ZNF829: variants seen among roughly 807,000 people sequenced by gnomAD.
The protein encoded by ZNF829 is zinc finger protein 829.
A neutral mutation model predicts 35.2 loss-of-function variants in ZNF829; 25 were observed. The ratio of observed to expected loss-of-function variants is 0.71; its 90% confidence interval spans 0.52 to 0.99. The LOEUF (loss-of-function observed/expected upper bound fraction) is 0.99. ZNF829 is among the 50% of genes least tolerant of loss of function. The pLI, the probability that ZNF829 is intolerant of heterozygous loss-of-function variation, is 0.00. For missense variants in ZNF829, 417 were observed against 515.3 expected (o/e 0.81, Z 1.85); for synonymous variants, 136 against 163.2 (o/e 0.83, Z 1.27).
At position 36,892,227 on chromosome 19, in the gene ZNF829, C is replaced by G. The variant is rs367846247; in HGVS notation, c.564G>C (p.Glu188Asp). ...AGCCACGACTAAAGGACTTCCCATA[C>G]TCCTTAGATTCATAGTGTTTTTCAC... The part of the protein sequence containing the change: ...HFGEKHYESK[E>D]YGKSFSRGSL... Residue 188 changes from glutamate (E) to aspartate (D), a missense_variant, in exon 6 of 6, where the codon GAG becomes GAC. Transcript: ENST00000391711. The G allele has an allele frequency of 3.1e-6, 5 of 1,614,086 alleles. No homozygotes were observed. The highest frequency in any genetic ancestry group is 4.2e-6 in the Non-Finnish European group (5 of 1,180,036).
intron 5 of ZNF829, among the ~76,000 whole-genome samples, chr19:36,895,483 A>T (rs1249389255): frequency 2.0e-4 from 30 of 152,246 alleles, no homozygotes; most frequent in Non-Finnish European, 4.4e-5. Flanking sequence ...ACCATAAAAA[A>T]TTAACAGATT....
At chr19:36,898,244 C>A (rs2073130525) in intron 5 of ZNF829, among the ~76,000 whole-genome samples, 1 of 152,186 alleles carries the variant, frequency 6.6e-6, no homozygotes, top group Non-Finnish European at 1.5e-5. Flanking sequence ...AAAACAATCC[C>A]ATTTATTAAT....
chr19:36,892,577 A>C, intron 5 of ZNF829, 106 bp from the exon 6 acceptor site: 1 of 1,244,206 alleles, frequency 8.0e-7, no homozygotes, highest in Non-Finnish European at 1.1e-6. Flanking sequence ...GAGAAATTAC[A>C]CAGTTTTCAA....
chr19:36,914,653 A>T (rs1329165107), intron 3 of ZNF829, among the ~76,000 whole-genome samples: 5 of 152,334 alleles, frequency 3.3e-5, no homozygotes, highest in African/African-American at 1.2e-4. Context: ...TCTTTTTGCA[A>T]AAATGTAGAA....
At chr19:36,892,883 G>T (rs372175741) in intron 5 of ZNF829, 2 of 1,158,594 alleles carry the variant, frequency 1.7e-6, no homozygotes, top group Non-Finnish European at 2.2e-6. Context: ...GTGGAGCTCC[G>T]ACTGCAAGGC....
intron 1 of ZNF829, 156 bp downstream of exon 1, chr19:36,915,854 CA>C: frequency 2.0e-6 from 3 of 1,536,086 alleles, no homozygotes; most frequent in Non-Finnish European, 2.6e-6. Flanking sequence ...CTCGGCCTCC[CA>C]AACACAACCT....
intron 5 of ZNF829, chr19:36,905,415 T>TA (rs1156792255): frequency 5.9e-5 from 9 of 151,770 alleles, no homozygotes; most frequent in African/African-American, 2.2e-4. Flanking sequence ...TTCAAATGAC[T>TA]ATATAAGCTA....
In ZNF829 at chr19:36,916,030, C is replaced by T; in HGVS notation, c.-104G>A. On this transcript the variant is annotated 5_prime_UTR_variant, in exon 1 of 6. Coordinates refer to ENST00000391711, the MANE Select transcript of ZNF829 (RefSeq NM_001037232.4). The surrounding 1 kb of genome is among the most constrained non-coding windows in gnomAD (Gnocchi z 5.3). ...TCTCACCTCCCAGATCTAAGGGTCC[C>T]GCCAGGAGTGACGAAACGTTCGAAT... is the stretch of plus-strand genomic sequence containing the variant. 8.7e-7 allele frequency: 1 copy of T among 1,152,326 alleles called. No homozygotes were observed. The highest frequency in any genetic ancestry group is 1.2e-6 in the Non-Finnish European group (1 of 842,726). 71.4% of individuals were successfully genotyped at this position (1,152,326 alleles called of 1,614,324 possible). A position where few individuals can be genotyped will look rare whatever the true frequency, so the allele number is the denominator to read the frequency against.
chr19:36,900,781 G>A (rs1281287287), intron 5 of ZNF829, among the ~76,000 whole-genome samples: 1 of 150,808 alleles, frequency 6.6e-6, no homozygotes, highest in African/African-American at 2.4e-5. Flanking sequence ...CCAGGAGGTG[G>A]AGGTTGCAGT....
chr19:36,904,231 A>C (rs2073196193), intron 5 of ZNF829, among the ~76,000 whole-genome samples: 1 of 152,204 alleles, frequency 6.6e-6, no homozygotes, highest in Admixed American at 6.5e-5. Flanking sequence ...AGACATCAAG[A>C]AATACTTTTA....
At chr19:36,898,827 A>G (rs2073136113) in intron 5 of ZNF829, among the ~76,000 whole-genome samples, 1 of 152,210 alleles carries the variant, frequency 6.6e-6, no homozygotes. Flanking sequence ...ACTAGACTGT[A>G]TCTCTCACCA....
At chr19:36,892,975 A>G (rs1049944751) in intron 5 of ZNF829, 8 of 445,794 alleles carry the variant, frequency 1.8e-5, no homozygotes, top group Non-Finnish European at 3.8e-6. Flanking sequence ...GCTCCAGGGC[A>G]TGCACCATGC....
At chr19:36,899,265 C>T (rs1178378986) in intron 5 of ZNF829, among the ~76,000 whole-genome samples, 1 of 128,982 alleles carries the variant, frequency 7.8e-6, no homozygotes, top group East Asian at 2.2e-4. Flanking sequence ...CATAGGGAGA[C>T]CCCCCCCGAT....
At chr19:36,897,537 A>G (rs2073124176) in intron 5 of ZNF829, among the ~76,000 whole-genome samples, 1 of 152,172 alleles carries the variant, frequency 6.6e-6, no homozygotes, top group South Asian at 2.1e-4. Flanking sequence ...ACGATTAGGC[A>G]TTAAAAAACA....
At chr19:36,907,117 A>AAAAAAAAAAG (rs2073224463) in intron 5 of ZNF829, 1 of 143,342 alleles carries the variant, frequency 7.0e-6, no homozygotes, top group African/African-American at 2.6e-5. Context: ...AAAAATGTAT[A>AAAAAAAAAAG]TATATATATA....
In ZNF829 at chr19:36,891,865, G is replaced by A; in HGVS notation, c.926C>T (p.Ser309Leu). The change falls in exon 6 of 6, where the codon TCA becomes TTA. Residue 309 changes from serine to leucine, a missense_variant. Ser to Leu is a moderately radical substitution (Grantham distance 145). Coordinates refer to ENST00000391711, the MANE Select transcript of ZNF829 (RefSeq NM_001037232.4). ...KECGKAFTQH[S>L]RLIQHQRMHT... Reference sequence around the variant, plus strand: ...CATTCTCTGATGCTGAATAAGCCTTGAGTGTTGAGTAAAGGCTTTCCCACA... The same window carrying A: ...CATTCTCTGATGCTGAATAAGCCTTAAGTGTTGAGTAAAGGCTTTCCCACA... 1 of 1,614,064 alleles carries A rather than the reference G, an allele frequency of 6.2e-7. No individual in the cohort carries two copies. Among genetic ancestry groups the A allele is most frequent in the Non-Finnish European group, 8.5e-7 (1 of 1,179,988 alleles).
intron 5 of ZNF829, chr19:36,901,608 T>G (rs2073166257): frequency 2.2e-5 from 5 of 230,082 alleles, no homozygotes; most frequent in East Asian, 1.2e-4. Context: ...AAGAATAAGA[T>G]AGCAAATATT....
chr19:36,901,955 G>C lies in ZNF829; in HGVS notation c.319+5974C>G. 5 of 757,292 alleles carry C rather than the reference G, an allele frequency of 6.6e-6. No homozygotes were observed. The East Asian group carries it at 9.8e-5, about 15-fold the overall frequency. 46.9% of individuals were successfully genotyped at this position (757,292 alleles called of 1,614,324 possible). A position where few individuals can be genotyped will look rare whatever the true frequency, so the allele number is the denominator to read the frequency against. ...CACTGATACCAGGCTCAACAAAGCT[G>C]TCTGGGCCAAAGGAATAAGGAATGT... is the stretch of plus-strand genomic sequence containing the variant. On this transcript the variant is annotated intron_variant, in intron 5 of 5. Coordinates refer to ENST00000391711, the MANE Select transcript of ZNF829 (RefSeq NM_001037232.4).
Position 36,916,049 on chromosome 19 carries a change from T to C in ZNF829, c.-123A>G. 2 of 994,092 alleles carry C rather than the reference T, an allele frequency of 2.0e-6. No individual in the cohort carries two copies. The highest frequency in any genetic ancestry group is 1.4e-6 in the Non-Finnish European group (1 of 705,116). 61.6% of individuals were successfully genotyped at this position (994,092 alleles called of 1,614,324 possible). A position where few individuals can be genotyped will look rare whatever the true frequency, so the allele number is the denominator to read the frequency against. ...GGGTCCCGCCAGGAGTGACGAAACG[T>C]TCGAATTCCTGCGAGAAAAGTGGCA... On this transcript the variant is annotated 5_prime_UTR_variant, in exon 1 of 6. Coordinates refer to ENST00000391711, the MANE Select transcript of ZNF829 (RefSeq NM_001037232.4). This position sits in a 1 kb window ranked among gnomAD's most constrained non-coding sequence, Gnocchi z 5.3.
Sources: gnomAD v4.1 joint callset for allele counts (sites outside exome capture counted in the v4.1 genomes callset) on GRCh38, gnomAD v4.1.1 for gene constraint, Gnocchi (gnomAD v3.1) non-coding constraint, MANE v1.5 for transcripts, NCBI Gene and HGNC (gene_info 2026-07-23, HGNC 2026-07-21) for gene names.